The following BRAF variants were observed in gnomAD, a reference collection of about 807,000 sequenced individuals.
The protein encoded by BRAF is B-Raf proto-oncogene, serine/threonine kinase.
BRAF carries 16 observed loss-of-function variants against 104.6 expected under a neutral mutation model. That is an observed-to-expected ratio of 0.15 (90% CI 0.10 to 0.23). The LOEUF (loss-of-function observed/expected upper bound fraction) is 0.23, where lower values mean the gene tolerates loss of function less well. Ranked by LOEUF, BRAF falls within the 10% of genes least tolerant of loss-of-function variation. The pLI, the probability that BRAF is intolerant of heterozygous loss-of-function variation, is 1.00. For missense variants in BRAF, 541 were observed against 937.3 expected (o/e 0.58, Z 5.52); for synonymous variants, 310 against 341.6 (o/e 0.91, Z 1.02).
intron 10 of BRAF, among the ~76,000 whole-genome samples, chr7:140,785,525 G>A (rs1378153572): frequency 1.3e-5 from 2 of 152,204 alleles, no homozygotes; most frequent in Non-Finnish European, 1.5e-5. Context: ...CAGTGAGTAC[G>A]TGTGAGACGT....
Position 140,924,750 on chromosome 7 carries a change from G to A in BRAF, c.-47C>T, listed in dbSNP as rs1257000984. 8.5e-6 allele frequency: 6 copies of A among 704,596 alleles called. No homozygotes were observed. Among genetic ancestry groups the A allele is most frequent in the South Asian group, 1.6e-5 (1 of 61,898 alleles). The allele number at this position is 704,596 out of a possible 1,614,324, so 43.6% of individuals were successfully genotyped here. A position where few individuals can be genotyped will look rare whatever the true frequency, so the allele number is the denominator to read the frequency against. On this transcript the variant is annotated 5_prime_UTR_variant, in exon 1 of 20. Transcript: ENST00000644969. This position sits in a 1 kb window ranked among gnomAD's most constrained non-coding sequence, Gnocchi z 4.2. ...CCGAGCGGCCGCTGTCGGGCGGGGA[G>A]GGGGAAGGGAGGCGGAGAGCTGGGG... is the stretch of plus-strand genomic sequence containing the variant.
intron 15 of BRAF, 141 bp downstream of exon 14, chr7:140,754,046 T>A (rs1333342031): frequency 4.6e-6 from 4 of 865,870 alleles, no homozygotes; most frequent in Non-Finnish European, 7.6e-6. Flanking sequence ...CTCCTATACA[T>A]GCATGCACAA....
chr7:140,724,019 T>G lies in BRAF; in HGVS notation c.*2475A>C, dbSNP rs1386436604. On this transcript the variant is annotated 3_prime_UTR_variant, in exon 20 of 20. Coordinates refer to ENST00000644969, the MANE Select transcript of BRAF (RefSeq NM_001374258.1). ...GGTTTAAATATTTTATTTTTTAAGG[T>G]ATCTATAAAAATCTCAATATGCTAA... 2.9e-6 allele frequency: 3 copies of G among 1,044,338 alleles called. No individual in the cohort carries two copies. Among genetic ancestry groups the G allele is most frequent in the Non-Finnish European group, 3.5e-6 (3 of 866,020 alleles). 64.7% of individuals were successfully genotyped at this position (1,044,338 alleles called of 1,614,324 possible). A position where few individuals can be genotyped will look rare whatever the true frequency, so the allele number is the denominator to read the frequency against.
rs1291079091 is a variant in BRAF at position 140,726,197 on chromosome 7, G to A, written c.*297C>T. On this transcript the variant is annotated 3_prime_UTR_variant, in exon 20 of 20. Transcript: ENST00000644969. ...TGTAGCAGCAGTTTCTTTCCATCATGCCTGACCATCAAAAGGTCAGAATTC... is the reference window on the plus strand; with the variant it reads ...TGTAGCAGCAGTTTCTTTCCATCATACCTGACCATCAAAAGGTCAGAATTC... The A allele has an allele frequency of 2.4e-6, 3 of 1,232,120 alleles. No individual in the cohort carries two copies. The highest frequency in any genetic ancestry group is 3.5e-5 in the East Asian group (1 of 28,926). 76.3% of individuals were successfully genotyped at this position (1,232,120 alleles called of 1,614,324 possible).
At chr7:140,811,759 C>A (rs1194067522) in intron 3 of BRAF, among the ~76,000 whole-genome samples, 1 of 152,122 alleles carries the variant, frequency 6.6e-6, no homozygotes, top group Non-Finnish European at 1.5e-5. Flanking sequence ...GAAGAAACAA[C>A]CTAGAGGCCA....
intron 2 of BRAF, chr7:140,835,680 G>C (rs1403660188): frequency 2.8e-4 from 42 of 151,910 alleles, no homozygotes; most frequent in Admixed American, 2.8e-3. Flanking sequence ...AGTTTCATTT[G>C]ATGAAGGCTA....
intron 1 of BRAF, among the ~76,000 whole-genome samples, chr7:140,876,054 C>T (rs1214581268): frequency 6.6e-6 from 1 of 152,176 alleles, no homozygotes; most frequent in Non-Finnish European, 1.5e-5. Flanking sequence ...TAACCCTCTC[C>T]TCTTAGTTTC....
At chr7:140,804,750 T>G (rs1277534988) in intron 5 of BRAF, among the ~76,000 whole-genome samples, 1 of 152,214 alleles carries the variant, frequency 6.6e-6, no homozygotes, top group Non-Finnish European at 1.5e-5. Flanking sequence ...TTCTGCTACA[T>G]GTAAATTTTT....
At chr7:140,875,718 T>A (rs979876564) in intron 1 of BRAF, among the ~76,000 whole-genome samples, 1 of 151,974 alleles carries the variant, frequency 6.6e-6, no homozygotes, top group East Asian at 1.9e-4. Flanking sequence ...ATCCATAAAA[T>A]ATAGGGGAAC....
intron 19 of BRAF, chr7:140,734,318 T>C: frequency 7.9e-7 from 1 of 1,259,372 alleles, no homozygotes; most frequent in East Asian, 3.4e-5. Flanking sequence ...AATAACCAAG[T>C]GAATGATACA....
intron 10 of BRAF, among the ~76,000 whole-genome samples, chr7:140,784,803 C>T: frequency 6.6e-6 from 1 of 152,112 alleles, no homozygotes; most frequent in South Asian, 2.1e-4. Flanking sequence ...CGCCATCATG[C>T]CTAGCTAATT....
At chr7:140,737,648 T>A (rs1796548416) in intron 18 of BRAF, among the ~76,000 whole-genome samples, 1 of 152,226 alleles carries the variant, frequency 6.6e-6, no homozygotes, top group Non-Finnish European at 1.5e-5. Flanking sequence ...TGTACTCACA[T>A]CTGCTAATTT....
chr7:140,726,482 C>T lies in BRAF; in HGVS notation c.*12G>A. ...ACTTAAGAAATAAGAGCAGATGCTG[C>T]CATGATGGTGGCTACTTGAAGGCTG... On this transcript the variant is annotated 3_prime_UTR_variant, in exon 20 of 20. Coordinates refer to ENST00000644969, the MANE Select transcript of BRAF (RefSeq NM_001374258.1). 1 of 1,536,388 alleles carries T rather than the reference C, an allele frequency of 6.5e-7. No individual in the cohort carries two copies. The highest frequency in any genetic ancestry group is 2.4e-5 in the East Asian group (1 of 40,906).
At chr7:140,879,297 T>G (rs1812608965) in intron 1 of BRAF, among the ~76,000 whole-genome samples, 1 of 151,918 alleles carries the variant, frequency 6.6e-6, no homozygotes, top group Admixed American at 6.6e-5. Flanking sequence ...GTCTCCTGCC[T>G]CAGCCTCCCG....
chr7:140,913,846 C>T (rs1022029731), intron 1 of BRAF, among the ~76,000 whole-genome samples: 1 of 152,156 alleles, frequency 6.6e-6, no homozygotes, highest in Non-Finnish European at 1.5e-5. Context: ...ATGGAACAGT[C>T]TTTCTACTGT....
chr7:140,849,328 C>A (rs963028326), intron 2 of BRAF, among the ~76,000 whole-genome samples: 2 of 152,070 alleles, frequency 1.3e-5, no homozygotes, highest in African/African-American at 4.8e-5. Flanking sequence ...TTGACACAAA[C>A]CTCAAGGCAT....
chr7:140,769,588 A>G (rs566407269), intron 14 of BRAF, among the ~76,000 whole-genome samples: 1 of 152,356 alleles, frequency 6.6e-6, no homozygotes, highest in Admixed American at 6.5e-5. Flanking sequence ...AATATTTTAA[A>G]GCTTTATGTT....
At chr7:140,717,261 TGATAG>T (rs199501786), downstream of BRAF, among the ~76,000 whole-genome samples, 58 of 152,242 alleles carry the variant, frequency 3.8e-4, no homozygotes, top group African/African-American at 1.3e-3. Context: ...ATTCAGCAAC[TGATAG>T]GAGAGGAGTT....
intron 6 of BRAF, 36 bp downstream of exon 6, chr7:140,801,376 T>C (rs200179577): frequency 9.5e-5 from 153 of 1,608,824 alleles, no homozygotes; most frequent in Non-Finnish European, 1.2e-4. Context: ...AAGTGTAAAA[T>C]GGTAGGTAGA....
Sources: gnomAD v4.1 joint callset for allele counts (sites outside exome capture counted in the v4.1 genomes callset) on GRCh38, gnomAD v4.1.1 for gene constraint, Gnocchi (gnomAD v3.1) non-coding constraint, MANE v1.5 for transcripts, NCBI Gene and HGNC (gene_info 2026-07-23, HGNC 2026-07-21) for gene names.